PLEKHA8: variants seen among roughly 807,000 people sequenced by gnomAD.
PLEKHA8 encodes pleckstrin homology domain-containing family A member 8.
Under a neutral mutation model 68.2 loss-of-function variants are expected in PLEKHA8, and 36 were observed. The ratio of observed to expected loss-of-function variants is 0.53; its 90% CI spans 0.40 to 0.70. The LOEUF (loss-of-function observed/expected upper bound fraction) is 0.70. Ranked by LOEUF, PLEKHA8 falls within the 30% of genes least tolerant of loss-of-function variation. The probability of loss-of-function intolerance (pLI) is 0.00; values close to 1 mark genes in which losing one functional copy is unlikely to be tolerated. For synonymous variants in PLEKHA8, 211 were observed against 216.1 expected, an observed-to-expected ratio of 0.98 and a Z score of 0.20; for missense variants, 505 against 615.4, an observed-to-expected ratio of 0.82 and a Z score of 1.90.
intron 1 of PLEKHA8, among the ~76,000 whole-genome samples, chr7:30,034,589 A>G (rs972808385): frequency 1.3e-5 from 2 of 152,234 alleles, no homozygotes; most frequent in African/African-American, 4.8e-5. Flanking sequence ...GATAAGGAAG[A>G]GAAAATACAT....
At chr7:30,117,563 G>C (rs926283846) in intron 13 of PLEKHA8, among the ~76,000 whole-genome samples, 5 of 151,974 alleles carry the variant, frequency 3.3e-5, no homozygotes, top group African/African-American at 1.2e-4. Flanking sequence ...AATTAGCCAG[G>C]CATGTTGGCA....
intron 9 of PLEKHA8, among the ~76,000 whole-genome samples, chr7:30,060,522 A>G (rs1010951962): frequency 1.3e-5 from 2 of 152,146 alleles, no homozygotes; most frequent in African/African-American, 4.8e-5. Context: ...TCTGGTACGT[A>G]TTTTACTTCC....
At chr7:30,128,487 AT>A (rs1796819833) in intron 13 of PLEKHA8, among the ~76,000 whole-genome samples, 1 of 152,182 alleles carries the variant, frequency 6.6e-6, no homozygotes, top group Admixed American at 6.5e-5. Context: ...CACATTGATT[AT>A]GATTACACTT....
chr7:30,126,930 G>A (rs765911037), intron 13 of PLEKHA8, among the ~76,000 whole-genome samples: 10 of 152,198 alleles, frequency 6.6e-5, no homozygotes, highest in Non-Finnish European at 1.3e-4. Flanking sequence ...GATGAGATTC[G>A]GGTGGGGACA....
At chr7:30,042,542 T>C (rs985951961) in intron 1 of PLEKHA8, among the ~76,000 whole-genome samples, 4 of 152,194 alleles carry the variant, frequency 2.6e-5, no homozygotes, top group South Asian at 2.1e-4. Flanking sequence ...AAAGATGCTG[T>C]TGTTCTATAC....
chr7:30,115,783 C>T lies in PLEKHA8; in HGVS notation c.1363-13483C>T, dbSNP rs565251933. 29 of 150,242 alleles carry T rather than the reference C, an allele frequency of 1.9e-4. No individual in the cohort carries two copies. The East Asian group carries it at 4.9e-3, about 26-fold the overall frequency. 9.3% of individuals were successfully genotyped at this position (150,242 alleles called of 1,614,324 possible). ...ACATGTATACACGTATGCATGCATA[C>T]ATACGTGCACATACATGTATACACG... is the stretch of plus-strand genomic sequence containing the variant. On this transcript the variant is annotated intron_variant, in intron 13 of 13. Transcript: ENST00000396257.
intron 13 of PLEKHA8, among the ~76,000 whole-genome samples, chr7:30,100,605 A>G (rs1469497142): frequency 6.6e-6 from 1 of 152,144 alleles, no homozygotes; most frequent in African/African-American, 2.4e-5. Context: ...ACACAATTCA[A>G]ATAATAACAC....
At chr7:30,069,421 A>G (rs1794088252) in intron 12 of PLEKHA8, among the ~76,000 whole-genome samples, 1 of 152,186 alleles carries the variant, frequency 6.6e-6, no homozygotes, top group Non-Finnish European at 1.5e-5. Flanking sequence ...AAATAACTTT[A>G]CCAATTATAG....
intron 13 of PLEKHA8, among the ~76,000 whole-genome samples, chr7:30,102,035 C>G (rs578141755): frequency 6.6e-6 from 1 of 152,308 alleles, no homozygotes; most frequent in South Asian, 2.1e-4. Context: ...AATCATACAT[C>G]TGATAAGGGA....
At chr7:30,090,311 G>T in exon 13 of PLEKHA8, 1 of 1,095,140 alleles carries the variant, frequency 9.1e-7, no homozygotes, top group Non-Finnish European at 1.3e-6. Flanking sequence ...GAAACAATGG[G>T]GGAGTATTTC....
At chr7:30,102,565 T>C (rs1412770229) in intron 13 of PLEKHA8, among the ~76,000 whole-genome samples, 1 of 152,198 alleles carries the variant, frequency 6.6e-6, no homozygotes, top group Admixed American at 6.5e-5. Context: ...ATGTGGTATA[T>C]ACAAACAACG....
At chr7:30,037,542 A>G (rs1406600890) in intron 1 of PLEKHA8, among the ~76,000 whole-genome samples, 2 of 152,196 alleles carry the variant, frequency 1.3e-5, no homozygotes, top group East Asian at 1.9e-4. Flanking sequence ...GGCATCATCT[A>G]AACTCCAGCT....
chr7:30,072,495 A>G (rs1794303441), intron 12 of PLEKHA8, among the ~76,000 whole-genome samples: 1 of 152,264 alleles, frequency 6.6e-6, no homozygotes, highest in Non-Finnish European at 1.5e-5. Context: ...GCTTGAGTTG[A>G]TTGTAAACTG....
rs1792524756 is a variant in PLEKHA8 at position 30,052,721 on chromosome 7, G to A, written c.651G>A (p.Leu217=). ...AAAAAATTTGCAGGCAAATGGAGTT[G>A]AGCACTTGTGAAAATGGATCTTTAA... is the stretch of plus-strand genomic sequence containing the variant. ...IHNSLERQME[L]STCENGSLNM... Residue 217 remains leucine, a synonymous_variant, in exon 7 of 14, where the codon TTG becomes TTA. Transcript: ENST00000449726. 1 of 1,543,026 alleles carries A rather than the reference G, an allele frequency of 6.5e-7. No individual in the cohort carries two copies. Among genetic ancestry groups the A allele is most frequent in the Non-Finnish European group, 8.7e-7 (1 of 1,152,984 alleles).
chr7:30,049,124 C>A, intron 4 of PLEKHA8, 100 bp from the exon 5 acceptor site: 1 of 1,381,866 alleles, frequency 7.2e-7, no homozygotes, highest in Non-Finnish European at 1.0e-6. Context: ...CAGGTGGGTA[C>A]ATTATTATTA....
At chr7:30,056,656 G>A (rs1792959726) in intron 9 of PLEKHA8, among the ~76,000 whole-genome samples, 1 of 143,354 alleles carries the variant, frequency 7.0e-6, no homozygotes, top group African/African-American at 2.6e-5. Context: ...TTGAACCTGG[G>A]AGACGGAGGT....
Position 30,079,458 on chromosome 7 carries a change from G to A in PLEKHA8, c.*671G>A. On this transcript the variant is annotated 3_prime_UTR_variant, in exon 14 of 14. Transcript: ENST00000449726. Reference sequence around the variant, plus strand: ...TGCCCTAGCCCCAAGTTGGAGGGGAGAATATGAGAGAGGTGGGACAGGTCA... The same window carrying A: ...TGCCCTAGCCCCAAGTTGGAGGGGAAAATATGAGAGAGGTGGGACAGGTCA... The A allele has an allele frequency of 7.1e-6, 7 of 985,410 alleles. No homozygotes were observed. The highest frequency in any genetic ancestry group is 8.4e-6 in the Non-Finnish European group (7 of 829,940). The allele number at this position is 985,410 out of a possible 1,614,324, so 61.0% of individuals were successfully genotyped here. A position where few individuals can be genotyped will look rare whatever the true frequency, so the allele number is the denominator to read the frequency against.
chr7:30,122,625 A>C (rs1039708728), intron 13 of PLEKHA8, among the ~76,000 whole-genome samples: 1 of 152,132 alleles, frequency 6.6e-6, no homozygotes, highest in African/African-American at 2.4e-5. Context: ...GTGATGGCTC[A>C]CTCTGCTCTC....
intron 1 of PLEKHA8, among the ~76,000 whole-genome samples, chr7:30,031,208 G>T (rs1790637310): frequency 6.6e-6 from 1 of 152,232 alleles, no homozygotes; most frequent in Non-Finnish European, 1.5e-5. Flanking sequence ...TGAGCCTACA[G>T]TCTGGTGGGG....
Sources: allele counts gnomAD v4.1 joint callset (sites outside exome capture counted in the v4.1 genomes callset), GRCh38; gene constraint gnomAD v4.1.1; transcripts MANE v1.5; gene names NCBI Gene and HGNC (gene_info 2026-07-23, HGNC 2026-07-21).